GALNT16: variants seen among roughly 807,000 people sequenced by gnomAD.
GALNT16 encodes the protein polypeptide N-acetylgalactosaminyltransferase 16.
Under a neutral mutation model 76.1 loss-of-function variants are expected in GALNT16, and 40 were observed. The observed-to-expected ratio is 0.53, with a 90% CI of 0.41 to 0.68. The LOEUF (loss-of-function observed/expected upper bound fraction) is 0.68, where lower values mean the gene tolerates loss of function less well. Ranked by LOEUF, GALNT16 falls within the 30% of genes least tolerant of loss-of-function variation. The pLI is 0.00. For missense variants in GALNT16, 621 were observed against 731.9 expected (o/e 0.85, Z 1.75); for synonymous variants, 276 against 285.2 (o/e 0.97, Z 0.32).
rs1566885012 is a variant in GALNT16, at chr14:69,333,787, G to A, written c.967+187G>A. 6 of 552,932 alleles carry A rather than the reference G, an allele frequency of 1.1e-5. No homozygotes were observed. Among genetic ancestry groups the A allele is most frequent in the South Asian group, 2.3e-5 (1 of 43,238 alleles). 34.3% of individuals were successfully genotyped at this position (552,932 alleles called of 1,614,324 possible). ...CATTTTACTGATTTTAAAACCCAAGGCACAGAGAAGTTAAGCAATTTGTCC... is the reference window on the plus strand; with the variant it reads ...CATTTTACTGATTTTAAAACCCAAGACACAGAGAAGTTAAGCAATTTGTCC... On this transcript the variant is annotated intron_variant, in intron 9 of 14. Transcript: ENST00000448469. This position sits in a 1 kb window ranked among gnomAD's most constrained non-coding sequence, Gnocchi z 4.2.
rs368804510 is a variant in GALNT16, at chr14:69,352,922, C to A, written c.*754C>A. Among the ~76,000 whole-genome samples the A allele has an allele frequency of 1.3e-5, 2 of 152,222 alleles. No individual in the cohort carries two copies. Among genetic ancestry groups the A allele is most frequent in the African/African-American group, 4.8e-5 (2 of 41,462 alleles). On this transcript the variant is annotated 3_prime_UTR_variant, in exon 15 of 15. Coordinates refer to ENST00000448469, the MANE Select transcript of GALNT16 (RefSeq NM_001168368.2). Reference sequence around the variant, plus strand: ...CCGGTCCTGTGCCTGTGGGTGCCCACATTCTTAGCAAGAGGCTGCAGAGGG... The same window carrying A: ...CCGGTCCTGTGCCTGTGGGTGCCCAAATTCTTAGCAAGAGGCTGCAGAGGG...
chr14:69,325,839 CT>C (rs1193069598), intron 4 of GALNT16, 122 bp from the exon 5 acceptor site: 1 of 754,272 alleles, frequency 1.3e-6, no homozygotes, highest in Non-Finnish European at 2.4e-6. Flanking sequence ...GACCATACCT[CT>C]TCCCAATCCC....
chr14:69,365,783 G>GA, the GALNT16 span, among the ~76,000 whole-genome samples: 21,380 of 151,512 alleles, frequency 0.14, 1,596 homozygotes, highest in East Asian at 0.18. Flanking sequence ...GAGCTTAAAA[G>GA]AAAAAAAAGA....
chr14:69,345,964 T>C (rs2045557698), intron 12 of GALNT16, among the ~76,000 whole-genome samples: 1 of 152,134 alleles, frequency 6.6e-6, no homozygotes, highest in Non-Finnish European at 1.5e-5. Context: ...TATGGCTCAC[T>C]GCAGCCTCAA....
Position 69,325,927 on chromosome 14 carries a change from T to C in GALNT16, c.503-35T>C, listed in dbSNP as rs745750418. The C allele has an allele frequency of 3.8e-6, 6 of 1,577,274 alleles. No individual in the cohort carries two copies. The South Asian group carries it at 6.6e-5, about 17-fold the overall frequency. On this transcript the variant is annotated intron_variant, in intron 4 of 14. Transcript: ENST00000448469. Reference sequence around the variant, plus strand: ...AACCACTAGTGGCCTGATGCCCATGTCTAAATGAGCTTGCCTTCCTCTTTG... The same window carrying C: ...AACCACTAGTGGCCTGATGCCCATGCCTAAATGAGCTTGCCTTCCTCTTTG...
At chr14:69,381,373 C>T in the GALNT16 span, among the ~76,000 whole-genome samples, 1 of 152,196 alleles carries the variant, frequency 6.6e-6, no homozygotes, top group African/African-American at 2.4e-5. Context: ...AGATTTCTTG[C>T]TAATTTCCTT....
At chr14:69,302,807 G>C (rs1431558532) in intron 1 of GALNT16, among the ~76,000 whole-genome samples, 1 of 152,050 alleles carries the variant, frequency 6.6e-6, no homozygotes, top group African/African-American at 2.4e-5. Context: ...TTGAATTTTA[G>C]ATAAACAAAT....
the GALNT16 span, among the ~76,000 whole-genome samples, chr14:69,367,657 A>G: frequency 6.6e-6 from 1 of 151,540 alleles, no homozygotes; most frequent in Non-Finnish European, 1.5e-5. Flanking sequence ...AAAAAAAAAA[A>G]AAGAAAAAGA....
chr14:69,341,833 C>A, intron 12 of GALNT16, 69 bp downstream of exon 12: 3 of 944,604 alleles, frequency 3.2e-6, no homozygotes, highest in South Asian at 1.4e-5. Context: ...CGGCTTTGGT[C>A]CCACCCCACC....
intron 1 of GALNT16, among the ~76,000 whole-genome samples, chr14:69,281,531 CTCTGCTTG>C (rs1446739625): frequency 6.6e-6 from 1 of 152,176 alleles, no homozygotes; most frequent in Admixed American, 6.5e-5. Flanking sequence ...GGACCCAGTG[CTCTGCTTG>C]TCTGCCCTCC....
chr14:69,346,972 G>A (rs1214929922), intron 12 of GALNT16, 68 bp from the exon 13 acceptor site: 10 of 1,594,738 alleles, frequency 6.3e-6, no homozygotes, highest in Non-Finnish European at 6.0e-6. Context: ...GGATGCTGAC[G>A]TCTGGCAGAG....
At chr14:69,376,223 G>A in the GALNT16 span, among the ~76,000 whole-genome samples, 2 of 152,092 alleles carry the variant, frequency 1.3e-5, no homozygotes, top group Non-Finnish European at 2.9e-5. Flanking sequence ...TTTAAACTTT[G>A]CTATGGTAAA....
chr14:69,360,684 A>AAAAAG (rs963940216), downstream of GALNT16, among the ~76,000 whole-genome samples: 2 of 152,330 alleles, frequency 1.3e-5, no homozygotes, highest in Non-Finnish European at 2.9e-5. Flanking sequence ...AAAGGAAAGA[A>AAAAAG]AAAAGAAAAG....
chr14:69,345,395 T>C (rs2045548523), intron 12 of GALNT16, among the ~76,000 whole-genome samples: 1 of 152,110 alleles, frequency 6.6e-6, no homozygotes, highest in South Asian at 2.1e-4. Context: ...GCAGATCAGT[T>C]CTGGAACTTT....
At chr14:69,366,827 A>G in the GALNT16 span, among the ~76,000 whole-genome samples, 3 of 152,312 alleles carry the variant, frequency 2.0e-5, no homozygotes, top group East Asian at 1.9e-4. Flanking sequence ...GGGGATTCCA[A>G]TGTGAAATAT....
intron 11 of GALNT16, among the ~76,000 whole-genome samples, chr14:69,339,979 T>G (rs2045466204): frequency 1.3e-5 from 2 of 152,252 alleles, no homozygotes; most frequent in African/African-American, 4.8e-5. Context: ...TTAGCCTATT[T>G]TCCTGTCATG....
chr14:69,370,669 T>G, the GALNT16 span, among the ~76,000 whole-genome samples: 3 of 152,340 alleles, frequency 2.0e-5, no homozygotes, highest in East Asian at 5.8e-4. Flanking sequence ...ACTGGATTAT[T>G]TGAAGCACAT....
intron 1 of GALNT16, among the ~76,000 whole-genome samples, chr14:69,266,023 A>G (rs1043267111): frequency 6.6e-6 from 1 of 152,194 alleles, no homozygotes; most frequent in Non-Finnish European, 1.5e-5. Flanking sequence ...AAGTTCTCAT[A>G]CGAGTAAACA....
intron 11 of GALNT16, among the ~76,000 whole-genome samples, chr14:69,340,571 A>G (rs1209117329): frequency 6.6e-6 from 1 of 150,906 alleles, no homozygotes; most frequent in Admixed American, 6.6e-5. Flanking sequence ...TGCAACCTCC[A>G]TCTCCTGGGT....
Sources: allele counts gnomAD v4.1 joint callset (sites outside exome capture counted in the v4.1 genomes callset), GRCh38; gene constraint gnomAD v4.1.1; non-coding constraint Gnocchi (gnomAD v3.1); transcripts MANE v1.5; gene names NCBI Gene and HGNC (gene_info 2026-07-23, HGNC 2026-07-21).